The following INSRR variants were observed in gnomAD, a reference collection of about 807,000 sequenced individuals.
INSRR encodes insulin receptor-related protein.
A neutral mutation model predicts 130.0 loss-of-function variants in INSRR; 114 were observed. The ratio of observed to expected loss-of-function variants is 0.88; its 90% CI spans 0.75 to 1.02. The LOEUF (loss-of-function observed/expected upper bound fraction) is 1.02, where lower values mean the gene tolerates loss of function less well. Ranked by LOEUF, INSRR falls within the 50% of genes least tolerant of loss-of-function variation. INSRR has a pLI of 0.00. For synonymous variants in INSRR, 674 were observed against 705.2 expected (o/e 0.96, Z 0.70); for missense variants, 1,657 against 1,735.2 (o/e 0.95, Z 0.80).
Position 156,841,653 on chromosome 1 carries a change from G to A in INSRR, c.3527+12C>T. The A allele has an allele frequency of 6.2e-7, 1 of 1,613,218 alleles. No individual in the cohort carries two copies. Among genetic ancestry groups the A allele is most frequent in the Non-Finnish European group, 8.5e-7 (1 of 1,179,316 alleles). ...CACATCCCTGGAGCCCTGTGCTCCAGCTCGGCCCCACCAGACATCCGAGTG... is the reference window on the plus strand; with the variant it reads ...CACATCCCTGGAGCCCTGTGCTCCAACTCGGCCCCACCAGACATCCGAGTG... On this transcript the variant is annotated intron_variant, in intron 20 of 21. Transcript: ENST00000368195.
rs1448525393 is a variant in INSRR at position 156,841,648 on chromosome 1, C to T, written c.3527+17G>A. On this transcript the variant is annotated intron_variant, in intron 20 of 21. Coordinates refer to ENST00000368195, the MANE Select transcript of INSRR (RefSeq NM_014215.3). ...GCCTCCACATCCCTGGAGCCCTGTG[C>T]TCCAGCTCGGCCCCACCAGACATCC... is the stretch of plus-strand genomic sequence containing the variant. 6.2e-7 allele frequency: 1 copy of T among 1,612,898 alleles called. No homozygotes were observed. Among genetic ancestry groups the T allele is most frequent in the South Asian group, 1.1e-5 (1 of 91,038 alleles).
chr1:156,854,196 C>G lies in INSRR; in HGVS notation c.193G>C (p.Gly65Arg). 6.2e-7 allele frequency: 1 copy of G among 1,614,092 alleles called. No individual in the cohort carries two copies. Among genetic ancestry groups the G allele is most frequent in the Non-Finnish European group, 8.5e-7 (1 of 1,180,028 alleles). ...LQILLMFTAT[G>R]EDFRGLSFPR... ...AAGCTGAGGCCGCGGAAGTCCTCCC[C>G]GGTGGCTGTGAACATGAGCAGGATC... Residue 65 changes from glycine to arginine, a missense_variant, in exon 2 of 22, where the codon GGG becomes CGG. Physicochemically the swap from Gly to Arg is moderately radical, Grantham distance 125. Coordinates refer to ENST00000368195, the MANE Select transcript of INSRR (RefSeq NM_014215.3). This position sits in a 1 kb window ranked among gnomAD's most constrained non-coding sequence, Gnocchi z 4.2.
chr1:156,844,846 G>C lies in INSRR; in HGVS notation c.2438-3C>G. 2 of 1,613,890 alleles carry C rather than the reference G, an allele frequency of 1.2e-6. No homozygotes were observed. The highest frequency in any genetic ancestry group is 1.7e-6 in the Non-Finnish European group (2 of 1,179,954). ...TCCTGGAATACCATCAGCCTCTCCT[G>C]CGGGAAGGGGCATCCAGCAGCCGGG... On this transcript the variant is annotated splice_polypyrimidine_tract_variant and splice_region_variant and intron_variant, in intron 12 of 21. Transcript: ENST00000368195.
chr1:156,843,344 C>G, intron 16 of INSRR, 83 bp downstream of exon 16: 1 of 1,572,194 alleles, frequency 6.4e-7, no homozygotes, highest in Non-Finnish European at 8.8e-7. Context: ...CTATCTTCTG[C>G]AAGAAGGTCT....
Position 156,842,271 on chromosome 1 carries a change from TC to T in INSRR, c.3238-1del, listed in dbSNP as rs1397100859. 1.9e-6 allele frequency: 3 copies of T among 1,613,672 alleles called. No homozygotes were observed. The highest frequency in any genetic ancestry group is 2.5e-6 in the Non-Finnish European group (3 of 1,179,926). ...GCTGGCTGTGGGAGCCCAGGGTTGT[TC>T]TAGAGCCAAGATTGGGGGCTGGTGA... On this transcript the variant is annotated splice_acceptor_variant, in intron 18 of 21. Transcript: ENST00000368195. LOFTEE classifies it high-confidence loss of function.
chr1:156,854,384 C>A lies in INSRR; in HGVS notation c.86-81G>T. ...CAGCCCTGGCAGCTTTGGAGGGGAG[C>A]CACACTGGCAGTAGGACAATGAGTG... On this transcript the variant is annotated intron_variant, in intron 1 of 21. Transcript: ENST00000368195. The surrounding 1 kb of genome is among the most constrained non-coding windows in gnomAD (Gnocchi z 4.2). 5 of 1,355,796 alleles carry A rather than the reference C, an allele frequency of 3.7e-6. No individual in the cohort carries two copies. The highest frequency in any genetic ancestry group is 5.0e-6 in the Non-Finnish European group (5 of 1,000,328). The allele number at this position is 1,355,796 out of a possible 1,614,324, so 84.0% of individuals were successfully genotyped here.
chr1:156,857,915 T>TC (rs998425373), intron 1 of INSRR, among the ~76,000 whole-genome samples: 2 of 151,760 alleles, frequency 1.3e-5, no homozygotes, highest in Non-Finnish European at 1.5e-5. Context: ...GTCTATATAG[T>TC]CCCCCCACCC....
At position 156,853,893 on chromosome 1, in the gene INSRR, G is replaced by T; in HGVS notation, c.496C>A (p.His166Asn). 6.2e-7 allele frequency: 1 copy of T among 1,614,184 alleles called. No individual in the cohort carries two copies. The highest frequency in any genetic ancestry group is 2.2e-5 in the East Asian group (1 of 44,888). The change falls in exon 2 of 22, where the codon CAC (histidine) becomes AAC (asparagine). Residue 166 changes from histidine to asparagine, a missense_variant. By Grantham distance (68) the His-to-Asn change is moderately conservative. Coordinates refer to ENST00000368195, the MANE Select transcript of INSRR (RefSeq NM_014215.3). ...TCGCCCAGCTTGTTGCCCACGATGT[G>T]GTTGGCGCCAGGTGCTGGCTGCAGC... Reference protein sequence around the residue: ...GLLQPAPGANHIVGNKLGEEC... With the variant: ...GLLQPAPGANNIVGNKLGEEC...
intron 2 of INSRR, among the ~76,000 whole-genome samples, chr1:156,852,639 G>A (rs562802418): frequency 2.6e-5 from 4 of 152,278 alleles, no homozygotes; most frequent in East Asian, 3.9e-4. Flanking sequence ...TGCCCATACC[G>A]CCCCCACCTC....
intron 5 of INSRR, 50 bp from the exon 6 acceptor site, chr1:156,849,510 T>TG: frequency 5.9e-5 from 17 of 287,872 alleles, no homozygotes; most frequent in Middle Eastern, 8.2e-4. Flanking sequence ...GGGCAGGGGG[T>TG]GGGAAAGGGG....
chr1:156,845,590 C>A (rs756260194), intron 10 of INSRR, 29 bp downstream of exon 10: 2 of 1,528,238 alleles, frequency 1.3e-6, no homozygotes, highest in Non-Finnish European at 8.8e-7. Context: ...ACTCATCAGA[C>A]CCTCCCAGGC....
intron 19 of INSRR, 120 bp downstream of exon 19, chr1:156,841,985 AGGGTGGG>A: frequency 6.4e-7 from 1 of 1,555,120 alleles, no homozygotes; most frequent in Non-Finnish European, 8.8e-7. Flanking sequence ...ACTAAGATAC[AGGGTGGG>A]GGTGACTTGC....
In INSRR at chr1:156,846,217, C is replaced by T. The variant is rs562866276; in HGVS notation, c.1811-98G>A. 1.0e-5 allele frequency: 13 copies of T among 1,279,026 alleles called. No individual in the cohort carries two copies. The South Asian group carries it at 1.6e-4, about 16-fold the overall frequency. 79.2% of individuals were successfully genotyped at this position (1,279,026 alleles called of 1,614,324 possible). ...CTTTCTGGGGTCCAACAGCCTTGTTCTCCCAAAGAATAGGTGATCCTCACC... is the reference window on the plus strand; with the variant it reads ...CTTTCTGGGGTCCAACAGCCTTGTTTTCCCAAAGAATAGGTGATCCTCACC... On this transcript the variant is annotated intron_variant, in intron 8 of 21. Transcript: ENST00000368195.
In INSRR at chr1:156,841,466, G is replaced by A; in HGVS notation, c.3590C>T (p.Ser1197Phe). The change falls in exon 21 of 22, where the codon TCC (serine) becomes TTC (phenylalanine). Residue 1197 changes from serine (S) to phenylalanine (F), a missense_variant. Ser to Phe is a radical substitution (Grantham distance 155). Transcript: ENST00000368195. The stretch of plus-strand genomic sequence containing the variant: ...GACGAACTTCAGCACCTGCTCATTG[G>A]ACAGGCCCTGGTAGGGTTGTTCTGC... ...TLAEQPYQGL[S>F]NEQVLKFVMD... 1.2e-6 allele frequency: 2 copies of A among 1,613,914 alleles called. No individual in the cohort carries two copies. Among genetic ancestry groups the A allele is most frequent in the Non-Finnish European group, 8.5e-7 (1 of 1,179,890 alleles).
chr1:156,846,243 C>G, intron 8 of INSRR, 124 bp from the exon 9 acceptor site: 1 of 1,050,320 alleles, frequency 9.5e-7, no homozygotes, highest in Non-Finnish European at 1.3e-6. Context: ...GATCCTCACC[C>G]CTGGCTTCCT....
rs191929006 is a variant in INSRR, at chr1:156,852,127, C to T, written c.702G>A (p.Leu234=). The T allele has an allele frequency of 1.2e-6, 2 of 1,613,390 alleles. No homozygotes were observed. The highest frequency in any genetic ancestry group is 4.5e-5 in the East Asian group (2 of 44,872). Residue 234 remains leucine (L), a synonymous_variant, in exon 3 of 22, where the codon CTG becomes CTA. Coordinates refer to ENST00000368195, the MANE Select transcript of INSRR (RefSeq NM_014215.3). The part of the protein sequence containing the change: ...ARGECCHTEC[L]GGCSQPEDPR... ...GGTCTTCTGGCTGGCTGCAGCCCCCCAGGCATTCGGTGTGGCAGCACTCGC... is the reference window on the plus strand; with the variant it reads ...GGTCTTCTGGCTGGCTGCAGCCCCCTAGGCATTCGGTGTGGCAGCACTCGC...
chr1:156,856,987 C>T (rs374671535), intron 1 of INSRR, among the ~76,000 whole-genome samples: 1 of 152,154 alleles, frequency 6.6e-6, no homozygotes, highest in Non-Finnish European at 1.5e-5. Context: ...CCCTTCCCAC[C>T]GAGCCCTCCG....
rs370511640 is a variant in INSRR at position 156,842,500 on chromosome 1, G to C, written c.3135C>G (p.Leu1045=). Residue 1045 remains leucine, a synonymous_variant, in exon 18 of 22, where the codon CTC becomes CTG. Transcript: ENST00000368195. The stretch of plus-strand genomic sequence containing the variant: ...GCTGGCCCTGAGATACCACACCCAG[G>C]AGACGCACCTGGGACAGACAAAGGG... ...KAFKCHHVVR[L]LGVVSQGQPT... is the part of the protein sequence containing the mutation. 3.1e-6 allele frequency: 5 copies of C among 1,613,766 alleles called. No individual in the cohort carries two copies. The highest frequency in any genetic ancestry group is 3.4e-6 in the Non-Finnish European group (4 of 1,179,826).
rs1655503983 is a variant in INSRR, at chr1:156,858,837, CAGAG to C, written c.-220_-217del. The C allele has an allele frequency of 5.1e-6, 3 of 584,696 alleles. No individual in the cohort carries two copies. The highest frequency in any genetic ancestry group is 6.1e-6 in the Non-Finnish European group (2 of 326,428). The allele number at this position is 584,696 out of a possible 1,614,324, so 36.2% of individuals were successfully genotyped here. On this transcript the variant is annotated 5_prime_UTR_variant, in exon 1 of 22. An upstream open reading frame in the 5' UTR gains an earlier in-frame stop. Transcript: ENST00000368195. ...AAAGACAGTGACAGGCAGTTGGAGACAGAGAGACTCAGCATGAGATTGAGAGATG... is the reference window on the plus strand; with the variant it reads ...AAAGACAGTGACAGGCAGTTGGAGACAGACTCAGCATGAGATTGAGAGATG...
Sources: allele counts gnomAD v4.1 joint callset (sites outside exome capture counted in the v4.1 genomes callset), GRCh38; gene constraint gnomAD v4.1.1; non-coding constraint Gnocchi (gnomAD v3.1); transcripts MANE v1.5; gene names NCBI Gene and HGNC (gene_info 2026-07-23, HGNC 2026-07-21).